Variants in TNNT3 observed in about 807,000 individuals in gnomAD.
The protein encoded by TNNT3 is troponin T, fast skeletal muscle.
TNNT3 carries 36 observed loss-of-function variants against 54.2 expected under a neutral mutation model. That is an observed-to-expected ratio of 0.66 (90% CI 0.51 to 0.88). The LOEUF (loss-of-function observed/expected upper bound fraction) is 0.88, where lower values mean the gene tolerates loss of function less well. Among genes scored for constraint, TNNT3 ranks in the 40% least tolerant of loss-of-function variants. The pLI is 0.00. For synonymous variants in TNNT3, 120 were observed against 109.7 expected, an observed-to-expected ratio of 1.09 and a Z score of -0.59; for missense variants, 291 against 331.6, an observed-to-expected ratio of 0.88 and a Z score of 0.95.
intron 14 of TNNT3, among the ~76,000 whole-genome samples, chr11:1,936,598 C>T (rs1855132795): frequency 6.6e-6 from 1 of 152,208 alleles, no homozygotes; most frequent in African/African-American, 2.4e-5. Context: ...GGAGCTGGAG[C>T]TGAGAAGGAG....
At chr11:1,919,941 G>A (rs550558394) in intron 1 of TNNT3, among the ~76,000 whole-genome samples, 179 bp downstream of exon 1, 45 of 152,330 alleles carry the variant, frequency 3.0e-4, no homozygotes, top group Non-Finnish European at 5.9e-4. Flanking sequence ...CTGCTCCAGC[G>A]TCCGGAGAGT....
intron 10 of TNNT3, 30 bp downstream of exon 10, chr11:1,933,867 GGCT>G (rs757349848): frequency 3.7e-6 from 6 of 1,612,086 alleles, no homozygotes; most frequent in Non-Finnish European, 5.1e-6. Flanking sequence ...TTGCAGCAGG[GGCT>G]GGTGGACTCC....
chr11:1,930,533 C>T (rs1285556371), intron 8 of TNNT3, among the ~76,000 whole-genome samples: 2 of 152,130 alleles, frequency 1.3e-5, no homozygotes, highest in Non-Finnish European at 2.9e-5. Flanking sequence ...TAATGCAGCT[C>T]TTCTGACTTT....
intron 6 of TNNT3, 22 bp from the exon 7 acceptor site, chr11:1,929,098 T>C: frequency 6.2e-7 from 1 of 1,613,350 alleles, no homozygotes; most frequent in Non-Finnish European, 8.5e-7. Flanking sequence ...CATGTGTGCT[T>C]GTGCCTTTTG....
At chr11:1,923,140 A>G (rs1312902830) in intron 3 of TNNT3, 79 bp downstream of exon 3, 1 of 1,584,914 alleles carries the variant, frequency 6.3e-7, no homozygotes, top group Non-Finnish European at 8.7e-7. Context: ...TGGACTGTGC[A>G]TACCCTGTGT....
At chr11:1,923,866 C>T (rs201902036) in intron 4 of TNNT3, among the ~76,000 whole-genome samples, 12 of 151,776 alleles carry the variant, frequency 7.9e-5, no homozygotes, top group African/African-American at 2.9e-4. Flanking sequence ...CTTCATCCTC[C>T]GTGTGCCATG....
rs747756859 is a variant in TNNT3, at chr11:1,936,982, G to A, written c.701G>A (p.Arg234His). The A allele has an allele frequency of 1.0e-5, 16 of 1,605,690 alleles. 1 individual carries two copies. Among genetic ancestry groups the A allele is most frequent in the South Asian group, 7.8e-5 (7 of 89,816 alleles). ...QKYDITTLRS[R>H]IDQAQKHSKK... ...TCACAGATCACCACGCTCAGGAGCC[G>A]CATTGACCAGGCCCAGAAGCAGTGA... Residue 234 changes from arginine to histidine, a missense_variant, in exon 15 of 16, where the codon CGC (arginine) becomes CAC (histidine). Physicochemically the swap from Arg to His is conservative, Grantham distance 29. Coordinates refer to ENST00000278317, the MANE Select transcript of TNNT3 (RefSeq NM_006757.4).
At position 1,934,612 on chromosome 11, in the gene TNNT3, C is replaced by T. The variant is rs750218802; in HGVS notation, c.547C>T (p.Arg183Cys). 27 of 1,608,840 alleles carry T rather than the reference C, an allele frequency of 1.7e-5. No homozygotes were observed. The highest frequency in any genetic ancestry group is 1.2e-4 in the South Asian group (11 of 90,674). The change falls in exon 13 of 16, where the codon CGC becomes TGC. Residue 183 changes from arginine to cysteine, a missense_variant. Coordinates refer to ENST00000278317, the MANE Select transcript of TNNT3 (RefSeq NM_006757.4). Reference sequence around the variant, plus strand: ...GAAGAAGAAGATTCTGGCTGAGAGACGCAAGCCGCTCAACATCGATCACCT... The same window carrying T: ...GAAGAAGAAGATTCTGGCTGAGAGATGCAAGCCGCTCAACATCGATCACCT... The part of the protein sequence containing the change: ...EMKKKILAER[R>C]KPLNIDHLGE...
At chr11:1,938,154 C>G in intron 15 of TNNT3, 1 of 506,850 alleles carries the variant, frequency 2.0e-6, no homozygotes. Flanking sequence ...TTCCCCAGCT[C>G]AGGGGTCTGT....
At chr11:1,929,868 T>C in intron 8 of TNNT3, 40 bp downstream of exon 8, 1 of 1,505,478 alleles carries the variant, frequency 6.6e-7, no homozygotes, top group Non-Finnish European at 8.9e-7. Context: ...CTGAGTGTGT[T>C]CTGGGGTGGG....
At chr11:1,932,250 G>C (rs1004730907) in intron 8 of TNNT3, among the ~76,000 whole-genome samples, 4 of 152,246 alleles carry the variant, frequency 2.6e-5, no homozygotes, top group Non-Finnish European at 5.9e-5. Flanking sequence ...GCTGGAAGCG[G>C]AAGCCTTCTT....
chr11:1,920,671 C>T (rs1849897658), intron 1 of TNNT3, among the ~76,000 whole-genome samples: 1 of 152,288 alleles, frequency 6.6e-6, no homozygotes, highest in African/African-American at 2.4e-5. Context: ...CTGGCCCCGT[C>T]ACCTCCCAAG....
intron 1 of TNNT3, among the ~76,000 whole-genome samples, chr11:1,922,116 C>T (rs909118): frequency 2.0e-5 from 3 of 152,108 alleles, no homozygotes; most frequent in Non-Finnish European, 2.9e-5. Flanking sequence ...GGGGGGTGCA[C>T]GGGAAGCGGC....
At chr11:1,930,581 C>T (rs998404417) in intron 8 of TNNT3, among the ~76,000 whole-genome samples, 93 of 152,190 alleles carry the variant, frequency 6.1e-4, no homozygotes, top group African/African-American at 2.2e-3. Flanking sequence ...ACAGCACTCG[C>T]TACGTGATTC....
At chr11:1,925,148 C>T (rs1019550596) in intron 5 of TNNT3, 32 bp downstream of exon 5, 3 of 1,610,008 alleles carry the variant, frequency 1.9e-6, no homozygotes, top group African/African-American at 2.7e-5. Context: ...GGCCCCCATG[C>T]CCACTCCCCA....
intron 14 of TNNT3, among the ~76,000 whole-genome samples, chr11:1,936,722 T>C (rs1855181904): frequency 6.6e-6 from 1 of 152,170 alleles, no homozygotes; most frequent in African/African-American, 2.4e-5. Context: ...CTGCTGTGTG[T>C]GGCAGTCCAG....
intron 15 of TNNT3, chr11:1,938,226 C>T: frequency 1.6e-6 from 1 of 611,930 alleles, no homozygotes; most frequent in South Asian, 1.9e-5. Context: ...GCTCACGTGC[C>T]AGCCCCCTAA....
At chr11:1,938,344 T>C in intron 15 of TNNT3, 94 bp from the exon 16 acceptor site, 1 of 1,389,058 alleles carries the variant, frequency 7.2e-7, no homozygotes, top group Non-Finnish European at 1.0e-6. Context: ...GAGAGCAGCC[T>C]GGGGTCGGGC....
intron 15 of TNNT3, among the ~76,000 whole-genome samples, chr11:1,937,271 C>A (rs931037589): frequency 6.6e-6 from 1 of 152,086 alleles, no homozygotes; most frequent in Non-Finnish European, 1.5e-5. Context: ...GCCCTCGCCC[C>A]GAGTCTGGCA....
Sources: allele counts gnomAD v4.1 joint callset (sites outside exome capture counted in the v4.1 genomes callset), GRCh38; gene constraint gnomAD v4.1.1; transcripts MANE v1.5; gene names NCBI Gene and HGNC (gene_info 2026-07-23, HGNC 2026-07-21).